SPATA7: variants seen among roughly 807,000 people sequenced by gnomAD.
The protein encoded by SPATA7 is spermatogenesis-associated protein 7.
Under a neutral mutation model 51.8 loss-of-function variants are expected in SPATA7, and 43 were observed. The ratio of observed to expected loss-of-function variants is 0.83; its 90% CI spans 0.65 to 1.07. The LOEUF is 1.07. Among genes scored for constraint, SPATA7 ranks in the 50% least tolerant of loss-of-function variants. The pLI is 0.00. For missense variants in SPATA7, 683 were observed against 701.3 expected (o/e 0.97, Z 0.30); for synonymous variants, 230 against 252.8 (o/e 0.91, Z 0.86).
chr14:88,418,229 T>C (rs2076540261), intron 5 of SPATA7, among the ~76,000 whole-genome samples: 1 of 152,132 alleles, frequency 6.6e-6, no homozygotes, highest in African/African-American at 2.4e-5. Flanking sequence ...TATTGTATTT[T>C]GTTTTCTGTT....
chr14:88,431,208 T>G lies in SPATA7; in HGVS notation c.1065T>G (p.Thr355=), dbSNP rs751818717. Residue 355 remains threonine (T), a synonymous_variant, in exon 9 of 12, where the codon ACT becomes ACG. Transcript: ENST00000393545. ...MCQYSLKPPS[T]RKIYSDEEEL... is the part of the protein sequence containing the mutation. ...AGTATTCCCTGAAGCCCCCTTCAAC[T>G]CGTAAAATCTACTCTGAGTAAGATC... 1 of 1,613,684 alleles carries G rather than the reference T, an allele frequency of 6.2e-7. No individual in the cohort carries two copies.
chr14:88,408,485 T>G (rs1595217683), intron 4 of SPATA7, among the ~76,000 whole-genome samples: 1 of 152,348 alleles, frequency 6.6e-6, no homozygotes, highest in South Asian at 2.1e-4. Flanking sequence ...TGAAGTTACT[T>G]ATCAGCTTAA....
intron 4 of SPATA7, chr14:88,467,865 A>G (rs921347589): frequency 1.2e-5 from 5 of 419,098 alleles, no homozygotes; most frequent in Middle Eastern, 6.6e-4. Context: ...AATCTCCAAA[A>G]TGTGTGCAAG....
chr14:88,448,351 CT>C (rs1259307117), intron 3 of SPATA7, among the ~76,000 whole-genome samples: 9 of 152,106 alleles, frequency 5.9e-5, no homozygotes, highest in Admixed American at 5.2e-4. Context: ...CCTTTAAGTA[CT>C]TCTCTGTATT....
chr14:88,393,598 T>C, intron 3 of SPATA7, 110 bp downstream of exon 3: 1 of 859,876 alleles, frequency 1.2e-6, no homozygotes, highest in African/African-American at 1.7e-5. Flanking sequence ...ATGAGAGGAT[T>C]TGTATTTGTT....
intron 4 of SPATA7, among the ~76,000 whole-genome samples, chr14:88,396,858 CT>C (rs2075894203): frequency 1.6e-5 from 2 of 127,050 alleles, no homozygotes; most frequent in African/African-American, 5.2e-5. Flanking sequence ...ATACTATTTT[CT>C]TTTCTTTTCT....
Position 88,438,136 on chromosome 14 carries a change from T to G in SPATA7, c.1514T>G (p.Ile505Arg), listed in dbSNP as rs1452130544. Residue 505 changes from isoleucine (I) to arginine (R), a missense_variant, in exon 12 of 12, where the codon ATA becomes AGA. Transcript: ENST00000393545. ...AAATCAAAGCATTCAGAAGGGGTTA[T>G]AATTCAACAGGTGAATGATGAAACA... The part of the protein sequence containing the change: ...IYKSKHSEGV[I>R]IQQVNDETNL... 6.2e-7 allele frequency: 1 copy of G among 1,613,772 alleles called. No individual in the cohort carries two copies. Among genetic ancestry groups the G allele is most frequent in the Non-Finnish European group, 8.5e-7 (1 of 1,179,906 alleles).
In SPATA7 at chr14:88,438,456, CT is replaced by C; in HGVS notation, c.*35del. The C allele has an allele frequency of 7.0e-7, 1 of 1,435,488 alleles. No individual in the cohort carries two copies. Among genetic ancestry groups the C allele is most frequent in the Non-Finnish European group, 9.8e-7 (1 of 1,022,740 alleles). 88.9% of individuals were successfully genotyped at this position (1,435,488 alleles called of 1,614,324 possible). On this transcript the variant is annotated 3_prime_UTR_variant, in exon 12 of 12. Coordinates refer to ENST00000393545, the MANE Select transcript of SPATA7 (RefSeq NM_018418.5). ...AATAAATACCTCAAATGGCCAGTAA[CT>C]CAATATTACTTTTCTTCCTTTTTTA...
intron 5 of SPATA7, among the ~76,000 whole-genome samples, chr14:88,418,888 G>A (rs1343522074): frequency 1.3e-5 from 2 of 152,064 alleles, no homozygotes; most frequent in Non-Finnish European, 1.5e-5. Flanking sequence ...TAGCCTAATT[G>A]TACTGTGATT....
At chr14:88,427,969 GT>G (rs1008179118) in intron 7 of SPATA7, 1 of 319,912 alleles carries the variant, frequency 3.1e-6, no homozygotes, top group Non-Finnish European at 5.9e-6. Flanking sequence ...GGAAGGATCA[GT>G]AAAATACCTT....
At chr14:88,467,082 A>T (rs1452932799) in intron 4 of SPATA7, 1 of 152,186 alleles carries the variant, frequency 6.6e-6, no homozygotes, top group African/African-American at 2.4e-5. Context: ...CCAGCACCTC[A>T]GTCTGAGTAT....
At position 88,385,784 on chromosome 14, in the gene SPATA7, A is replaced by C. The variant is rs777492192; in HGVS notation, c.-35A>C. The C allele has an allele frequency of 8.8e-6, 14 of 1,589,050 alleles. No individual in the cohort carries two copies. The highest frequency in any genetic ancestry group is 1.7e-5 in the Admixed American group (1 of 58,120). ...CCGCGGGAAGGACCGAAGGGGATAC[A>C]GCGTGTCCCTGCGGCGGCTGCAAGA... On this transcript the variant is annotated 5_prime_UTR_variant, in exon 1 of 12. Coordinates refer to ENST00000393545, the MANE Select transcript of SPATA7 (RefSeq NM_018418.5).
chr14:88,459,183 A>C (rs2140059075), downstream of SPATA7, among the ~76,000 whole-genome samples: 1 of 152,354 alleles, frequency 6.6e-6, no homozygotes, highest in South Asian at 2.1e-4. Context: ...TGGTGCTGAG[A>C]AGAATGTATA....
At chr14:88,441,280 CAA>C (rs1364329787), downstream of SPATA7, among the ~76,000 whole-genome samples, 1 of 152,040 alleles carries the variant, frequency 6.6e-6, no homozygotes, top group African/African-American at 2.4e-5. Flanking sequence ...CATATTTTTG[CAA>C]TTGTGAATTG....
chr14:88,426,805 A>G, intron 6 of SPATA7, 101 bp downstream of exon 6: 1 of 1,063,808 alleles, frequency 9.4e-7, no homozygotes, highest in Non-Finnish European at 1.4e-6. Context: ...AAGATCTGAT[A>G]GTGCCCTTTT....
chr14:88,431,846 A>G (rs2076949291), intron 9 of SPATA7, among the ~76,000 whole-genome samples: 1 of 152,106 alleles, frequency 6.6e-6, no homozygotes, highest in Non-Finnish European at 1.5e-5. Flanking sequence ...TTCTTTATCC[A>G]TTCATCTGTG....
intron 1 of SPATA7, 57 bp from the exon 2 acceptor site, chr14:88,391,324 T>G: frequency 7.5e-7 from 1 of 1,341,252 alleles, no homozygotes; most frequent in Non-Finnish European, 1.1e-6. Context: ...TATTGTTGTT[T>G]TTGTAAAAGT....
intron 5 of SPATA7, 39 bp from the exon 6 acceptor site, chr14:88,426,193 C>T (rs759438138): frequency 2.7e-5 from 38 of 1,429,990 alleles, no homozygotes; most frequent in Middle Eastern, 1.7e-4. Flanking sequence ...TACATGAATT[C>T]GTAATGCAGT....
intron 6 of SPATA7, among the ~76,000 whole-genome samples, chr14:88,427,406 A>G (rs1173993501): frequency 6.6e-6 from 1 of 152,156 alleles, no homozygotes; most frequent in Non-Finnish European, 1.5e-5. Flanking sequence ...AAGTAAAAAC[A>G]ATTTAAGATT....
Sources: gnomAD v4.1 joint callset for allele counts (sites outside exome capture counted in the v4.1 genomes callset) on GRCh38, gnomAD v4.1.1 for gene constraint, MANE v1.5 for transcripts, NCBI Gene and HGNC (gene_info 2026-07-23, HGNC 2026-07-21) for gene names.